ZNF626: variants seen among roughly 807,000 people sequenced by gnomAD.
ZNF626 encodes the protein CTC-513N18.7.
A neutral mutation model predicts 11.7 loss-of-function variants in ZNF626; 4 were observed. The observed-to-expected ratio is 0.34, with a 90% CI of 0.17 to 0.78. The LOEUF (loss-of-function observed/expected upper bound fraction) is 0.78, where lower values mean the gene tolerates loss of function less well. Among genes scored for constraint, ZNF626 ranks in the 30% least tolerant of loss-of-function variants. The pLI, the probability that ZNF626 is intolerant of heterozygous loss-of-function variation, is 0.57. For missense variants in ZNF626, 588 were observed against 587.1 expected (o/e 1.00, Z -0.01); for synonymous variants, 179 against 198.6 (o/e 0.90, Z 0.83).
chr19:20,653,902 G>A (rs1017658745), intron 1 of ZNF626, among the ~76,000 whole-genome samples: 3 of 152,012 alleles, frequency 2.0e-5, no homozygotes, highest in Non-Finnish European at 4.4e-5. Flanking sequence ...TTTTTGGGTG[G>A]CCACATCACC....
chr19:20,641,125 G>GA (rs202037129), intron 3 of ZNF626, among the ~76,000 whole-genome samples: 2,221 of 125,596 alleles, frequency 0.018, 34 homozygotes, highest in Middle Eastern at 0.06. Flanking sequence ...GACAGAGTGA[G>GA]ACTCCATCTC....
rs1357203028 is a variant in ZNF626 at position 20,623,915 on chromosome 19, A to C, written c.*375T>G. On this transcript the variant is annotated 3_prime_UTR_variant, in exon 4 of 4. Transcript: ENST00000601440. Reference sequence around the variant, plus strand: ...ATAAAGGTTGAGAAGTTCCTTAAAAAATCTGTCACATTCTTTATATTTGTA... The same window carrying C: ...ATAAAGGTTGAGAAGTTCCTTAAAACATCTGTCACATTCTTTATATTTGTA... 1 of 362,628 alleles carries C rather than the reference A, an allele frequency of 2.8e-6. No homozygotes were observed. The highest frequency in any genetic ancestry group is 5.3e-6 in the Non-Finnish European group (1 of 187,904). The allele number at this position is 362,628 out of a possible 1,614,324, so 22.5% of individuals were successfully genotyped here. A position where few individuals can be genotyped will look rare whatever the true frequency, so the allele number is the denominator to read the frequency against.
chr19:20,652,973 A>G (rs1555772719), intron 1 of ZNF626, among the ~76,000 whole-genome samples: 1 of 152,200 alleles, frequency 6.6e-6, no homozygotes, highest in East Asian at 1.9e-4. Context: ...AGAGTCACTG[A>G]AAGAGGTAAA....
intron 3 of ZNF626, among the ~76,000 whole-genome samples, chr19:20,631,545 C>G: frequency 6.7e-6 from 1 of 148,990 alleles, no homozygotes; most frequent in South Asian, 2.2e-4. Flanking sequence ...ATGTAATGGC[C>G]TTCTTTGTCT....
chr19:20,638,635 T>A (rs1969991339), intron 3 of ZNF626, among the ~76,000 whole-genome samples: 1 of 151,942 alleles, frequency 6.6e-6, no homozygotes, highest in African/African-American at 2.4e-5. Context: ...TAATTAGACA[T>A]AACATGCTTT....
At chr19:20,646,138 TA>T in intron 2 of ZNF626, 140 bp downstream of exon 2, 1 of 1,113,666 alleles carries the variant, frequency 9.0e-7, no homozygotes, top group Non-Finnish European at 1.2e-6. Context: ...AATTCTTTTC[TA>T]AACGAACAAA....
intron 3 of ZNF626, chr19:20,645,206 C>T: frequency 8.2e-7 from 1 of 1,214,578 alleles, no homozygotes; most frequent in Non-Finnish European, 1.0e-6. Flanking sequence ...TATTTCAAGC[C>T]TAGATAGTAA....
At position 20,661,554 on chromosome 19, in the gene ZNF626, C is replaced by G. The variant is rs1301110500; in HGVS notation, c.-108G>C. On this transcript the variant is annotated 5_prime_UTR_variant, in exon 1 of 4. Transcript: ENST00000601440. ...TAGGAGAAGAACCAGACCTGGAGCTCTGACTGCAGCGAGAGACAAAGGCCG... is the reference window on the plus strand; with the variant it reads ...TAGGAGAAGAACCAGACCTGGAGCTGTGACTGCAGCGAGAGACAAAGGCCG... The G allele has an allele frequency of 7.8e-7, 1 of 1,290,318 alleles. No individual in the cohort carries two copies. The highest frequency in any genetic ancestry group is 2.4e-5 in the East Asian group (1 of 42,428). 79.9% of individuals were successfully genotyped at this position (1,290,318 alleles called of 1,614,324 possible).
chr19:20,650,213 T>C (rs1410954867), intron 1 of ZNF626, among the ~76,000 whole-genome samples: 2 of 151,838 alleles, frequency 1.3e-5, no homozygotes, highest in African/African-American at 2.4e-5. Flanking sequence ...AGGATTTTTA[T>C]TGCTTCTTCT....
chr19:20,621,704 A>T lies in ZNF626; in HGVS notation c.*2586T>A, dbSNP rs1969760036. 6.6e-6 allele frequency: 1 copy of T among 152,164 alleles called. No homozygotes were observed. The highest frequency in any genetic ancestry group is 2.4e-5 in the African/African-American group (1 of 41,446). The allele number at this position is 152,164 out of a possible 1,614,324, so 9.4% of individuals were successfully genotyped here. ...AAGAAAAAAGATTAAAAATTTAACT[A>T]ACGGGAACAATATTCTTCATTTGCA... On this transcript the variant is annotated 3_prime_UTR_variant, in exon 4 of 4. Transcript: ENST00000601440.
chr19:20,651,901 G>C (rs77890851), intron 1 of ZNF626, among the ~76,000 whole-genome samples: 3,023 of 152,204 alleles, frequency 0.02, 112 homozygotes, highest in African/African-American at 0.069. Context: ...ATATTTTGTG[G>C]CCTTGTTCTC....
intron 3 of ZNF626, among the ~76,000 whole-genome samples, chr19:20,637,282 C>T (rs1039996040): frequency 6.6e-6 from 1 of 151,910 alleles, no homozygotes; most frequent in Non-Finnish European, 1.5e-5. Flanking sequence ...GCCAGGACTT[C>T]GAGACCAGCC....
chr19:20,633,427 C>T (rs371504661), intron 3 of ZNF626, among the ~76,000 whole-genome samples: 19 of 151,074 alleles, frequency 1.3e-4, no homozygotes, highest in South Asian at 2.1e-4. Context: ...CTGTGGTGGG[C>T]TCCACCCAGT....
rs782439098 is a variant in ZNF626 at position 20,625,630 on chromosome 19, G to C, written c.247C>G (p.Gln83Glu). 1.2e-5 allele frequency: 19 copies of C among 1,545,674 alleles called. No homozygotes were observed. Among genetic ancestry groups the C allele is most frequent in the East Asian group, 2.3e-5 (1 of 44,306 alleles). Reference protein sequence around the residue: ...KPSVMCSHFAQDLWPEQSMKD... With the variant: ...KPSVMCSHFAEDLWPEQSMKD... The stretch of plus-strand genomic sequence containing the variant: ...ATGCTCTGCTCTGGCCAAAGGTCTT[G>C]GGCAAAATGAGAACACATTACTGAA... The change falls in exon 4 of 4, where the codon CAA (glutamine) becomes GAA (glutamate). Residue 83 changes from glutamine (Q) to glutamate (E), a missense_variant. Gln to Glu is a conservative substitution (Grantham distance 29, BLOSUM62 2). This residue lies in a region of ZNF626 where 524 missense variants were observed against 470.1 expected (regional missense o/e 1.11). Coordinates refer to ENST00000601440, the MANE Select transcript of ZNF626 (RefSeq NM_001076675.3).
chr19:20,655,924 G>C (rs1421490636), intron 1 of ZNF626, among the ~76,000 whole-genome samples: 1 of 149,762 alleles, frequency 6.7e-6, no homozygotes, highest in African/African-American at 2.5e-5. Flanking sequence ...GGCAGAGCGA[G>C]ACTTTGCCTC....
At chr19:20,631,924 T>A (rs1599475451) in intron 3 of ZNF626, among the ~76,000 whole-genome samples, 1 of 151,886 alleles carries the variant, frequency 6.6e-6, no homozygotes, top group African/African-American at 2.4e-5. Flanking sequence ...CAGCGGCTGG[T>A]ACCGGTTGCT....
Position 20,633,537 on chromosome 19 carries a change from G to A in ZNF626, c.227-7887C>T, listed in dbSNP as rs551441520. On this transcript the variant is annotated intron_variant, in intron 3 of 3. Transcript: ENST00000601440. ...CGCTGCTGCCTTGCAGTTTGATCTC[G>A]GGCTGCTGTGCTAGCAATGAGTGAG... Among the ~76,000 whole-genome samples, 8 of 152,310 alleles carry A rather than the reference G, an allele frequency of 5.3e-5. No individual in the cohort carries two copies. In the East Asian group the frequency reaches 7.7e-4, roughly 15 times the overall value.
chr19:20,646,730 G>GA (rs1970083367), intron 1 of ZNF626, among the ~76,000 whole-genome samples: 1 of 152,180 alleles, frequency 6.6e-6, no homozygotes, highest in African/African-American at 2.4e-5. Flanking sequence ...TTTTCAGATG[G>GA]AAAAGACATG....
At chr19:20,631,786 A>C (rs8106773) in intron 3 of ZNF626, among the ~76,000 whole-genome samples, 88,344 of 149,732 alleles carry the variant, frequency 0.59, 28,698 homozygotes, top group African/African-American at 0.88. Context: ...TAGCCCATTT[A>C]CATTTAAAGT....
Sources: allele counts gnomAD v4.1 joint callset (sites outside exome capture counted in the v4.1 genomes callset), GRCh38; gene constraint gnomAD v4.1.1; regional missense constraint gnomAD v4.1.1; transcripts MANE v1.5; gene names NCBI Gene and HGNC (gene_info 2026-07-23, HGNC 2026-07-21).